Variants in PLA2G4D observed in about 807,000 individuals in gnomAD.
The protein encoded by PLA2G4D is phospholipase A2 group IVD.
PLA2G4D carries 80 observed loss-of-function variants against 94.4 expected under a neutral mutation model. The observed-to-expected ratio is 0.85, with a 90% CI of 0.71 to 1.02. The LOEUF is 1.02. PLA2G4D is among the 50% of genes least tolerant of loss of function. The probability of loss-of-function intolerance (pLI) is 0.00; values close to 1 mark genes in which losing one functional copy is unlikely to be tolerated. For missense variants in PLA2G4D, 1,050 were observed against 1,034.7 expected (o/e 1.01, Z -0.20); for synonymous variants, 438 against 440.9 (o/e 0.99, Z 0.08).
At chr15:42,085,637 G>C (rs1426617702) in intron 4 of PLA2G4D, 106 bp from the exon 5 acceptor site, 9 of 1,132,504 alleles carry the variant, frequency 7.9e-6, no homozygotes, top group Non-Finnish European at 1.1e-5. Context: ...GTCTCCAAGG[G>C]AGGCACGTTA....
intron 13 of PLA2G4D, among the ~76,000 whole-genome samples, chr15:42,072,777 C>G (rs1420154950): frequency 6.6e-6 from 1 of 152,184 alleles, no homozygotes; most frequent in African/African-American, 2.4e-5. Context: ...CAGCAATGCC[C>G]TTTTAGCATA....
intron 16 of PLA2G4D, 59 bp downstream of exon 16, chr15:42,071,385 G>A (rs1889813247): frequency 1.4e-5 from 22 of 1,568,964 alleles, no homozygotes; most frequent in South Asian, 4.7e-5. Flanking sequence ...ACCGCACACC[G>A]CAAGCATTCT....
rs773408671 is a variant in PLA2G4D at position 42,071,166 on chromosome 15, C to G, written c.1833G>C (p.Leu611=). 1 of 1,613,058 alleles carries G rather than the reference C, an allele frequency of 6.2e-7. No individual in the cohort carries two copies. The highest frequency in any genetic ancestry group is 1.7e-4 in the Middle Eastern group (1 of 6,022). Residue 611 remains leucine, a synonymous_variant, in exon 17 of 20, where the codon CTG becomes CTC. Transcript: ENST00000290472. ...RSPNFLQGLQ[L]HQDYCSHKDF... Reference sequence around the variant, plus strand: ...CTTTGTGGCTACAGTAGTCCTGGTGCAGCTGGAGGCCCTGGAGGAAGTTGG... The same window carrying G: ...CTTTGTGGCTACAGTAGTCCTGGTGGAGCTGGAGGCCCTGGAGGAAGTTGG...
intron 12 of PLA2G4D, among the ~76,000 whole-genome samples, chr15:42,080,450 G>A (rs614215): frequency 0.64 from 97,398 of 152,020 alleles, 31,399 homozygotes; most frequent in Admixed American, 0.69. Flanking sequence ...GCTTTAGGTA[G>A]AAATAGTATC....
chr15:42,072,941 C>A (rs1889856783), intron 13 of PLA2G4D, among the ~76,000 whole-genome samples: 1 of 152,060 alleles, frequency 6.6e-6, no homozygotes. Flanking sequence ...GAGGTTGTAC[C>A]CCATTGATTA....
At chr15:42,079,995 T>C (rs1366041069) in intron 12 of PLA2G4D, among the ~76,000 whole-genome samples, 2 of 152,244 alleles carry the variant, frequency 1.3e-5, no homozygotes, top group Non-Finnish European at 2.9e-5. Flanking sequence ...TAAAAAGATA[T>C]ACAAGCCTGT....
At chr15:42,087,605 G>A in intron 2 of PLA2G4D, 23 bp downstream of exon 2, 1 of 1,613,852 alleles carries the variant, frequency 6.2e-7, no homozygotes, top group Non-Finnish European at 8.5e-7. Flanking sequence ...GCTCCCGACA[G>A]AGCGCACAGG....
chr15:42,070,043 C>CG lies in PLA2G4D; in HGVS notation c.2095dup (p.Arg699ProfsTer88). The CG allele has an allele frequency of 6.6e-7, 1 of 1,518,898 alleles. No homozygotes were observed. Among genetic ancestry groups the CG allele is most frequent in the East Asian group, 2.7e-5 (1 of 37,192 alleles). 94.1% of individuals were successfully genotyped at this position (1,518,898 alleles called of 1,614,324 possible). A position where few individuals can be genotyped will look rare whatever the true frequency, so the allele number is the denominator to read the frequency against. On this transcript the variant is annotated frameshift_variant, in exon 19 of 20. Transcript: ENST00000290472. LOFTEE classifies it high-confidence loss of function. ...CTGGTCCTGAGGGCTGGGTTCCACCCGGGGGAAGGGCAGCCCCCGGGCCCG... is the reference window on the plus strand; with the variant it reads ...CTGGTCCTGAGGGCTGGGTTCCACCCGGGGGGAAGGGCAGCCCCCGGGCCCG...
At position 42,081,583 on chromosome 15, in the gene PLA2G4D, T is replaced by G. The variant is rs1566863419; in HGVS notation, c.853A>C (p.Asn285His). The G allele has an allele frequency of 1.9e-6, 3 of 1,614,164 alleles. No individual in the cohort carries two copies. The highest frequency in any genetic ancestry group is 1.7e-6 in the Non-Finnish European group (2 of 1,180,026). Reference sequence around the variant, plus strand: ...AAGGCCTGCTCCTCTGCACAGAGATTGAAGCCCAGGTGCACGGCCAGCTCC... The same window carrying G: ...AAGGCCTGCTCCTCTGCACAGAGATGGAAGCCCAGGTGCACGGCCAGCTCC... ...PEELAVHLGF[N>H]LCAEEQAFLS... Residue 285 changes from asparagine to histidine, a missense_variant, in exon 11 of 20, where the codon AAT (asparagine) becomes CAT (histidine). Transcript: ENST00000290472.
intron 8 of PLA2G4D, 130 bp downstream of exon 8, chr15:42,083,068 C>T: frequency 1.6e-6 from 2 of 1,252,294 alleles, no homozygotes; most frequent in South Asian, 3.0e-5. Flanking sequence ...GAGTGAGGTG[C>T]CTAACTAGGG....
intron 7 of PLA2G4D, 84 bp downstream of exon 7, chr15:42,083,632 C>T (rs1004004521): frequency 5.3e-6 from 8 of 1,516,644 alleles, no homozygotes; most frequent in African/African-American, 1.4e-5. Flanking sequence ...TGCTGCTGGC[C>T]TCCTGCCCTG....
intron 14 of PLA2G4D, 36 bp downstream of exon 14, chr15:42,072,239 G>A (rs77172212): frequency 3.2e-6 from 5 of 1,539,256 alleles, no homozygotes; most frequent in East Asian, 2.2e-5. Flanking sequence ...GGTTTGGGGG[G>A]TGGAGTATGT....
In PLA2G4D at chr15:42,086,194, T is replaced by TGGGGGGGGCCCC; in HGVS notation, c.387+18_387+19insGGGGCCCCCCCC. The TGGGGGGGGCCCC allele has an allele frequency of 1.8e-5, 24 of 1,370,436 alleles. No individual in the cohort carries two copies. Among genetic ancestry groups the TGGGGGGGGCCCC allele is most frequent in the Non-Finnish European group, 2.2e-5 (23 of 1,043,076 alleles). 84.9% of individuals were successfully genotyped at this position (1,370,436 alleles called of 1,614,324 possible). The stretch of plus-strand genomic sequence containing the variant: ...GGAAGAAGTGGGGCCCACGGGGACT[T>TGGGGGGGGCCCC]CCCCACCCACCCACCCACCTGGGGA... On this transcript the variant is annotated intron_variant, in intron 4 of 19. Transcript: ENST00000290472.
chr15:42,079,770 G>C lies in PLA2G4D; in HGVS notation c.1095-11C>G. 1 of 1,597,906 alleles carries C rather than the reference G, an allele frequency of 6.3e-7. No individual in the cohort carries two copies. Among genetic ancestry groups the C allele is most frequent in the Non-Finnish European group, 8.5e-7 (1 of 1,174,184 alleles). The stretch of plus-strand genomic sequence containing the variant: ...AGGTGGGCCATTGTCCTGGAAGAAC[G>C]AGGGGACAGAACAGTAGGAGCCCGA... On this transcript the variant is annotated splice_polypyrimidine_tract_variant and intron_variant, in intron 12 of 19. Transcript: ENST00000290472.
intron 13 of PLA2G4D, among the ~76,000 whole-genome samples, chr15:42,078,159 G>T (rs1389870218): frequency 6.6e-6 from 1 of 152,270 alleles, no homozygotes; most frequent in Non-Finnish European, 1.5e-5. Flanking sequence ...CAGTCACAGA[G>T]CTGTAACACT....
chr15:42,091,519 G>A (rs897370332), intron 1 of PLA2G4D, among the ~76,000 whole-genome samples: 2 of 152,206 alleles, frequency 1.3e-5, no homozygotes, highest in Non-Finnish European at 2.9e-5. Flanking sequence ...GGCGGACCAT[G>A]GTCTAGCGGT....
In PLA2G4D at chr15:42,087,325, C is replaced by T. The variant is rs757985311; in HGVS notation, c.230G>A (p.Arg77His). 60 of 1,614,114 alleles carry T rather than the reference C, an allele frequency of 3.7e-5. No homozygotes were observed. The highest frequency in any genetic ancestry group is 1.6e-4 in the Middle Eastern group (1 of 6,062). ...CTTGACCTGACTTTGGATAAGGAAA[C>T]GGAAGGCCTCATTCCACACAGGATG... ...TSHPVWNEAFRFLIQSQVKNV... is the reference protein window; with the variant it reads ...TSHPVWNEAFHFLIQSQVKNV... The change falls in exon 3 of 20, where the codon CGT (arginine) becomes CAT (histidine). Residue 77 changes from arginine (R) to histidine (H), a missense_variant. Coordinates refer to ENST00000290472, the MANE Select transcript of PLA2G4D (RefSeq NM_178034.4).
At chr15:42,072,012 C>A in intron 14 of PLA2G4D, 101 bp from the exon 15 acceptor site, 1 of 1,410,902 alleles carries the variant, frequency 7.1e-7, no homozygotes. Flanking sequence ...CAGGCCTGAG[C>A]CCTGCTGTGC....
At chr15:42,076,243 G>C (rs889191888) in intron 13 of PLA2G4D, among the ~76,000 whole-genome samples, 3 of 152,120 alleles carry the variant, frequency 2.0e-5, no homozygotes, top group Non-Finnish European at 4.4e-5. Context: ...GGGAAAATTT[G>C]TTATTAATGT....
Sources: gnomAD v4.1 joint callset for allele counts (sites outside exome capture counted in the v4.1 genomes callset) on GRCh38, gnomAD v4.1.1 for gene constraint, MANE v1.5 for transcripts, NCBI Gene and HGNC (gene_info 2026-07-23, HGNC 2026-07-21) for gene names.